PRSS48: variants seen among roughly 807,000 people sequenced by gnomAD.
The protein encoded by PRSS48 is serine protease 48, also known as epidermis-specific serine protease-like protein.
In PRSS48, 21 loss-of-function variants were observed where a neutral mutation model predicts 25.6. That is an observed-to-expected ratio of 0.82 (90% CI 0.58 to 1.18). PRSS48 has a LOEUF of 1.18. Among genes scored for constraint, PRSS48 ranks in the 50% most tolerant of loss-of-function variants. The pLI, the probability that PRSS48 is intolerant of heterozygous loss-of-function variation, is 0.00. For missense variants in PRSS48, 373 were observed against 399.3 expected (o/e 0.93, Z 0.56); for synonymous variants, 150 against 149.3 (o/e 1.00, Z -0.04).
chr4:151,278,163 T>G (rs1773831823), intron 1 of PRSS48, among the ~76,000 whole-genome samples: 1 of 152,222 alleles, frequency 6.6e-6, no homozygotes, highest in Non-Finnish European at 1.5e-5. Context: ...GTAAACAGCT[T>G]GCAACCTCAA....
intron 4 of PRSS48, 24 bp downstream of exon 4, chr4:151,283,310 T>G: frequency 6.2e-7 from 1 of 1,606,180 alleles, no homozygotes; most frequent in Non-Finnish European, 8.5e-7. Flanking sequence ...CTAGAGAATT[T>G]TTTTTTAAAC....
intron 4 of PRSS48, among the ~76,000 whole-genome samples, chr4:151,286,121 C>T (rs1457041908): frequency 2.3e-5 from 3 of 132,992 alleles, no homozygotes; most frequent in African/African-American, 8.4e-5. Context: ...TTCAAGGCTG[C>T]AGTGAGCTAT....
chr4:151,281,997 G>A (rs1774281507), intron 2 of PRSS48, 151 bp from the exon 3 acceptor site: 1 of 763,448 alleles, frequency 1.3e-6, no homozygotes, highest in Non-Finnish European at 2.2e-6. Context: ...GAAAGAAGGA[G>A]ACAAATCAAC....
chr4:151,282,276 T>A, exon 3 of PRSS48: 2 of 1,613,978 alleles, frequency 1.2e-6, no homozygotes, highest in Non-Finnish European at 1.7e-6. Flanking sequence ...ACGGCAGACG[T>A]CGCCTTGTTG....
At chr4:151,288,149 C>CA (rs1192716134) in intron 4 of PRSS48, among the ~76,000 whole-genome samples, 2 of 151,478 alleles carry the variant, frequency 1.3e-5, no homozygotes, top group Non-Finnish European at 2.9e-5. Flanking sequence ...AGTGCAACTA[C>CA]AAAAAAACCC....
At chr4:151,291,446 G>A in exon 5 of PRSS48, 2 of 1,602,570 alleles carry the variant, frequency 1.2e-6, no homozygotes, top group Non-Finnish European at 8.5e-7. Context: ...AGTCCCAGGG[G>A]CAGATAACTC....
exon 2 of PRSS48, chr4:151,279,881 C>G: frequency 6.2e-7 from 1 of 1,613,922 alleles, no homozygotes; most frequent in South Asian, 1.1e-5. Flanking sequence ...TCAGCCTACA[C>G]TTTGACCACA....
In PRSS48 at chr4:151,291,228, T is replaced by A. The variant is rs1378569512; in HGVS notation, c.762T>A (p.Asn254Lys). The change falls in exon 5 of 5, where the codon AAT (asparagine) becomes AAA (lysine). Residue 254 changes from asparagine (N) to lysine (K), a missense_variant. Transcript: ENST00000455694. Reference sequence around the variant, plus strand: ...AATCTCTTCCTGGAGTCTACACCAATGTAATCTACTACCAAAAATGGATTA... The same window carrying A: ...AATCTCTTCCTGGAGTCTACACCAAAGTAATCTACTACCAAAAATGGATTA... 2 of 1,613,878 alleles carry A rather than the reference T, an allele frequency of 1.2e-6. No homozygotes were observed. The highest frequency in any genetic ancestry group is 4.5e-5 in the East Asian group (2 of 44,878).
chr4:151,288,180 T>C (rs55869644), intron 4 of PRSS48, among the ~76,000 whole-genome samples: 54,338 of 151,868 alleles, frequency 0.36, 10,799 homozygotes, highest in Non-Finnish European at 0.46. Flanking sequence ...TACTTCGTGG[T>C]AAAATACTAT....
chr4:151,280,064 G>T, intron 2 of PRSS48, 106 bp downstream of exon 2: 1 of 1,309,036 alleles, frequency 7.6e-7, no homozygotes, highest in Non-Finnish European at 1.1e-6. Flanking sequence ...TAGGCAGGGC[G>T]GAAGGAAACC....
intron 3 of PRSS48, 41 bp from the exon 4 acceptor site, chr4:151,283,076 T>C (rs760518911): frequency 8.7e-6 from 14 of 1,601,574 alleles, no homozygotes; most frequent in Non-Finnish European, 1.1e-5. Context: ...CCTGCACTTT[T>C]CTAGGTTGCT....
intron 3 of PRSS48, among the ~76,000 whole-genome samples, chr4:151,282,640 T>C (rs766228681): frequency 1.4e-4 from 21 of 152,218 alleles, no homozygotes; most frequent in Admixed American, 2.6e-4. Context: ...GAAGAGCAGA[T>C]ACTAACAATT....
At chr4:151,288,319 A>G (rs1224734014) in intron 4 of PRSS48, among the ~76,000 whole-genome samples, 2 of 152,252 alleles carry the variant, frequency 1.3e-5, no homozygotes, top group African/African-American at 4.8e-5. Flanking sequence ...CAGATTGCAA[A>G]GAAACAGTAA....
At chr4:151,291,295 T>A (rs1331627728) in exon 5 of PRSS48, 24 of 1,614,022 alleles carry the variant, frequency 1.5e-5, no homozygotes, top group Non-Finnish European at 2.0e-5. Context: ...CTTCTCTGAC[T>A]TCTTGTTCCC....
At chr4:151,286,175 T>A (rs1278540474) in intron 4 of PRSS48, among the ~76,000 whole-genome samples, 3 of 108,612 alleles carry the variant, frequency 2.8e-5, no homozygotes, top group African/African-American at 1.1e-4. Flanking sequence ...AGTGAGACCC[T>A]GTCTTAAAGA....
At chr4:151,286,439 A>G (rs1488913826) in intron 4 of PRSS48, among the ~76,000 whole-genome samples, 1 of 151,534 alleles carries the variant, frequency 6.6e-6, no homozygotes, top group Non-Finnish European at 1.5e-5. Flanking sequence ...AAATAAAAAG[A>G]ATTTGTAACA....
At chr4:151,279,814 A>G (rs1561425614) in exon 2 of PRSS48, 2 of 1,613,726 alleles carry the variant, frequency 1.2e-6, no homozygotes, top group Non-Finnish European at 1.7e-6. Flanking sequence ...CAACCTGTAT[A>G]CTCCAGCCGC....
intron 3 of PRSS48, 150 bp from the exon 4 acceptor site, chr4:151,282,967 C>A: frequency 9.7e-6 from 6 of 616,754 alleles, no homozygotes; most frequent in Middle Eastern, 4.7e-4. Context: ...TTAAGTGTAC[C>A]AAAAGATCCA....
At chr4:151,291,297 C>T (rs1775313770) in exon 5 of PRSS48, 4 of 1,614,022 alleles carry the variant, frequency 2.5e-6, no homozygotes, top group Non-Finnish European at 3.4e-6. Flanking sequence ...TCTCTGACTT[C>T]TTGTTCCCTA....
Sources: gnomAD v4.1 joint callset for allele counts (sites outside exome capture counted in the v4.1 genomes callset) on GRCh38, gnomAD v4.1.1 for gene constraint, MANE v1.5 for transcripts, NCBI Gene and HGNC (gene_info 2026-07-23, HGNC 2026-07-21) for gene names.